Variants in REDIC1 observed in about 807,000 individuals in gnomAD.
REDIC1 encodes HEI10 Interacting Protein 1.
the REDIC1 span, among the ~76,000 whole-genome samples, chr12:39,816,565 AACTT>A: frequency 6.9e-6 from 1 of 144,778 alleles, no homozygotes; most frequent in South Asian, 2.2e-4. Context: ...TGTACCCTAG[AACTT>A]ACTTAAAGTA....
the REDIC1 span, among the ~76,000 whole-genome samples, chr12:39,710,389 G>A: frequency 6.6e-6 from 1 of 151,668 alleles, no homozygotes; most frequent in African/African-American, 2.4e-5. Context: ...ATCTTTTGCT[G>A]CTTCTCTATC....
the REDIC1 span, among the ~76,000 whole-genome samples, chr12:39,843,832 C>T: frequency 3.9e-5 from 6 of 152,116 alleles, no homozygotes; most frequent in East Asian, 1.2e-3. Context: ...AATGCCTATC[C>T]TATCCTGGCT....
the REDIC1 span, chr12:39,644,010 A>G: frequency 9.8e-7 from 1 of 1,024,352 alleles, no homozygotes; most frequent in African/African-American, 1.7e-5. Context: ...AGCTCAAAGC[A>G]TGTGGAAAAT....
the REDIC1 span, among the ~76,000 whole-genome samples, chr12:39,726,116 T>C: frequency 6.6e-6 from 1 of 151,992 alleles, no homozygotes; most frequent in Non-Finnish European, 1.5e-5. Context: ...CTTCTTTTTT[T>C]GCTGCTGCCT....
the REDIC1 span, among the ~76,000 whole-genome samples, chr12:39,694,644 T>C: frequency 2.0e-5 from 3 of 152,194 alleles, no homozygotes; most frequent in African/African-American, 7.2e-5. Flanking sequence ...TCTGGTGCTC[T>C]AAGTAAATTT....
At chr12:39,796,160 C>A in the REDIC1 span, among the ~76,000 whole-genome samples, 1 of 152,224 alleles carries the variant, frequency 6.6e-6, no homozygotes, top group East Asian at 1.9e-4. Context: ...GGTACTAGAC[C>A]TAACATGTTT....
At chr12:39,711,755 ATGTG>A in the REDIC1 span, among the ~76,000 whole-genome samples, 3 of 100,324 alleles carry the variant, frequency 3.0e-5, no homozygotes, top group South Asian at 3.1e-4. Flanking sequence ...ATACACATGC[ATGTG>A]TATGTGTGTG....
the REDIC1 span, among the ~76,000 whole-genome samples, chr12:39,699,789 A>T: frequency 6.6e-6 from 1 of 152,044 alleles, no homozygotes; most frequent in Non-Finnish European, 1.5e-5. Context: ...CTGACCCCTG[A>T]CCCCCGAGCA....
chr12:39,839,330 C>T, the REDIC1 span, among the ~76,000 whole-genome samples: 11 of 152,012 alleles, frequency 7.2e-5, no homozygotes, highest in African/African-American at 2.7e-4. Context: ...TTTCCTCTCC[C>T]TGTTTAACCA....
the REDIC1 span, among the ~76,000 whole-genome samples, chr12:39,670,247 A>G: frequency 1.3e-5 from 2 of 152,048 alleles, no homozygotes; most frequent in African/African-American, 2.4e-5. Flanking sequence ...CTGGAGTGTA[A>G]TGGTGGCATC....
chr12:39,812,708 G>T, the REDIC1 span, among the ~76,000 whole-genome samples: 1 of 151,876 alleles, frequency 6.6e-6, no homozygotes, highest in South Asian at 2.1e-4. Context: ...CTGGCCTCAA[G>T]TGATCCACCT....
chr12:39,720,323 A>G, the REDIC1 span, among the ~76,000 whole-genome samples: 1 of 152,052 alleles, frequency 6.6e-6, no homozygotes, highest in Non-Finnish European at 1.5e-5. Context: ...TAAAAAGCAT[A>G]CAAGTAGTTA....
chr12:39,714,550 A>G, the REDIC1 span, among the ~76,000 whole-genome samples: 4 of 151,460 alleles, frequency 2.6e-5, no homozygotes, highest in Admixed American at 1.3e-4. Context: ...TTTTTTGAAT[A>G]TTGATTTCTT....
chr12:39,876,502 C>T, the REDIC1 span, among the ~76,000 whole-genome samples: 9 of 151,754 alleles, frequency 5.9e-5, no homozygotes, highest in Admixed American at 2.0e-4. Flanking sequence ...ATTTATCTAC[C>T]GTAAATTTTT....
At chr12:39,865,814 G>T in the REDIC1 span, among the ~76,000 whole-genome samples, 1 of 152,148 alleles carries the variant, frequency 6.6e-6, no homozygotes, top group Admixed American at 6.5e-5. Context: ...TTTAAAAGTT[G>T]GAGCTGCATG....
the REDIC1 span, among the ~76,000 whole-genome samples, chr12:39,657,779 C>T: frequency 1.3e-5 from 2 of 152,030 alleles, no homozygotes; most frequent in Admixed American, 6.5e-5. Context: ...ACTTCTGATA[C>T]AGCAATATCA....
the REDIC1 span, among the ~76,000 whole-genome samples, chr12:39,648,466 A>C: frequency 6.6e-6 from 1 of 151,812 alleles, no homozygotes; most frequent in Admixed American, 6.6e-5. Context: ...ACACTATACA[A>C]ATATATAGAG....
chr12:39,826,530 G>T, the REDIC1 span, among the ~76,000 whole-genome samples: 1 of 146,688 alleles, frequency 6.8e-6, no homozygotes, highest in Non-Finnish European at 1.5e-5. Context: ...CATATTTTAA[G>T]AGTTTACTCT....
the REDIC1 span, among the ~76,000 whole-genome samples, chr12:39,711,379 ATATG>A: frequency 4.1e-5 from 6 of 146,400 alleles, no homozygotes; most frequent in African/African-American, 7.5e-5. Flanking sequence ...ACATATACAT[ATATG>A]TATGTGTGTA....
Sources: gnomAD v4.1 joint callset for allele counts (sites outside exome capture counted in the v4.1 genomes callset) on GRCh38, gnomAD v4.1.1 for gene constraint, MANE v1.5 for transcripts, NCBI Gene and HGNC (gene_info 2026-07-23, HGNC 2026-07-21) for gene names.